The following ESRP1 variants were observed in gnomAD, a reference collection of about 807,000 sequenced individuals.
ESRP1 encodes the protein epithelial splicing regulatory protein 1.
A neutral mutation model predicts 81.7 loss-of-function variants in ESRP1; 33 were observed. That is an observed-to-expected ratio of 0.40 (90% CI 0.31 to 0.54). The LOEUF (loss-of-function observed/expected upper bound fraction) is 0.54. Ranked by LOEUF, ESRP1 falls within the 20% of genes least tolerant of loss-of-function variation. The pLI is 0.41. For synonymous variants in ESRP1, 320 were observed against 303.3 expected (o/e 1.06, Z -0.57); for missense variants, 672 against 833.1 (o/e 0.81, Z 2.38).
intron 6 of ESRP1, among the ~76,000 whole-genome samples, chr8:94,664,120 C>CTTTTTTT (rs755384250): frequency 2.1e-4 from 21 of 98,540 alleles, no homozygotes; most frequent in African/African-American, 7.7e-4. Flanking sequence ...ATTTCCTCAG[C>CTTTTTTT]TTTTTTTTTT....
intron 13 of ESRP1, among the ~76,000 whole-genome samples, chr8:94,685,022 TA>T (rs34287340): frequency 0.42 from 60,250 of 143,628 alleles, 12,161 homozygotes; most frequent in East Asian, 0.56. Context: ...AGCCTGTCTT[TA>T]AAAAAAAAAA....
intron 4 of ESRP1, chr8:94,649,438 A>G (rs1818004132): frequency 1.8e-5 from 1 of 56,530 alleles, no homozygotes; most frequent in South Asian, 1.0e-3. Flanking sequence ...AACTCAAGCA[A>G]TTCTGCCTCA....
In ESRP1 at chr8:94,668,054, T is replaced by A; in HGVS notation, c.1037T>A (p.Phe346Tyr). The change falls in exon 10 of 16, where the codon TTT becomes TAT. Residue 346 changes from phenylalanine (F) to tyrosine (Y), a missense_variant. Coordinates refer to ENST00000433389, the MANE Select transcript of ESRP1 (RefSeq NM_017697.4). ...TATAEEVVAF[F>Y]GQHCPITGGK... Reference sequence around the variant, plus strand: ...ACAGCTGAAGAAGTGGTGGCCTTCTTTGGACAGCATTGCCCTATTACTGGG... The same window carrying A: ...ACAGCTGAAGAAGTGGTGGCCTTCTATGGACAGCATTGCCCTATTACTGGG... The A allele has an allele frequency of 6.2e-7, 1 of 1,614,012 alleles. No individual in the cohort carries two copies. Among genetic ancestry groups the A allele is most frequent in the Non-Finnish European group, 8.5e-7 (1 of 1,179,894 alleles).
chr8:94,664,667 A>G (rs1738435447), intron 6 of ESRP1, 30 bp from the exon 7 acceptor site: 3 of 1,546,340 alleles, frequency 1.9e-6, no homozygotes, highest in Non-Finnish European at 2.7e-6. Context: ...AGCATTTATC[A>G]TGCAACCTGA....
intron 13 of ESRP1, among the ~76,000 whole-genome samples, chr8:94,692,396 G>A (rs1809438746): frequency 6.6e-6 from 1 of 152,054 alleles, no homozygotes. Context: ...CGGTGGAGTT[G>A]ACATGAGGCT....
chr8:94,664,163 G>GC (rs1818896702), intron 6 of ESRP1, among the ~76,000 whole-genome samples: 1 of 106,510 alleles, frequency 9.4e-6, no homozygotes, highest in Admixed American at 1.3e-4. Flanking sequence ...TTGCTCTATT[G>GC]CCCAGGCTGG....
At chr8:94,644,720 A>T (rs1817760262) in intron 3 of ESRP1, among the ~76,000 whole-genome samples, 1 of 152,194 alleles carries the variant, frequency 6.6e-6, no homozygotes, top group African/African-American at 2.4e-5. Flanking sequence ...AAAAATTAAG[A>T]CTTTTTCCTC....
In ESRP1 at chr8:94,668,148, T is replaced by C. The variant is rs200351320; in HGVS notation, c.1131T>C (p.Phe377=). 60 of 1,614,056 alleles carry C rather than the reference T, an allele frequency of 3.7e-5. No homozygotes were observed. In the African/African-American group the frequency reaches 7.2e-4, roughly 19 times the overall value. Reference sequence around the variant, plus strand: ...CAACAGGGGACGCTTTTGTCCTCTTTGCCTGTGAGGAATATGCACAGAATG... The same window carrying C: ...CAACAGGGGACGCTTTTGTCCTCTTCGCCTGTGAGGAATATGCACAGAATG... ...GRPTGDAFVL[F]ACEEYAQNAL... is the part of the protein sequence containing the mutation. Residue 377 remains phenylalanine (F), a synonymous_variant, in exon 10 of 16, where the codon TTT becomes TTC. Coordinates refer to ENST00000433389, the MANE Select transcript of ESRP1 (RefSeq NM_017697.4).
rs761205705 is a variant in ESRP1, at chr8:94,678,306, G to T, written c.1755G>T (p.Gln585His). ...PSVILNPRAL[Q>H]PSTAYYPAGT... ...TGATTTTGAATCCACGAGCACTGCAGCCCTCCACAGCGTACTACCCAGCAG... is the reference window on the plus strand; with the variant it reads ...TGATTTTGAATCCACGAGCACTGCATCCCTCCACAGCGTACTACCCAGCAG... The change falls in exon 13 of 16, where the codon CAG becomes CAT. Residue 585 changes from glutamine to histidine, a missense_variant. Transcript: ENST00000433389. The T allele has an allele frequency of 2.1e-5, 34 of 1,613,864 alleles. No homozygotes were observed. Among genetic ancestry groups the T allele is most frequent in the Non-Finnish European group, 2.8e-5 (33 of 1,179,900 alleles).
intron 4 of ESRP1, among the ~76,000 whole-genome samples, chr8:94,655,273 CTTTTAG>C (rs948974979): frequency 2.0e-5 from 3 of 151,288 alleles, no homozygotes. Context: ...TTGTATTTTA[CTTTTAG>C]TTTCACCATG....
intron 13 of ESRP1, among the ~76,000 whole-genome samples, chr8:94,684,710 T>A (rs1046913618): frequency 1.3e-5 from 2 of 152,232 alleles, no homozygotes; most frequent in African/African-American, 4.8e-5. Context: ...TTCCACTTAA[T>A]CAATTTCTCT....
chr8:94,676,603 G>T (rs1200307283), intron 12 of ESRP1, among the ~76,000 whole-genome samples: 1 of 151,800 alleles, frequency 6.6e-6, no homozygotes, highest in African/African-American at 2.4e-5. Context: ...AGGTTGAAGT[G>T]ATTCTCCTGC....
intron 9 of ESRP1, 140 bp downstream of exon 9, chr8:94,665,336 A>G: frequency 1.2e-6 from 1 of 846,368 alleles, no homozygotes; most frequent in Admixed American, 2.5e-5. Context: ...TTTCTTCCCC[A>G]GAGGTAGAAG....
chr8:94,699,053 C>T (rs2130733687), intron 15 of ESRP1, among the ~76,000 whole-genome samples: 1 of 152,196 alleles, frequency 6.6e-6, no homozygotes, highest in African/African-American at 2.4e-5. Context: ...TTTCTTTTCA[C>T]ATGTTCATTG....
intron 15 of ESRP1, among the ~76,000 whole-genome samples, chr8:94,698,353 T>G (rs1809687124): frequency 6.6e-6 from 1 of 152,220 alleles, no homozygotes; most frequent in African/African-American, 2.4e-5. Context: ...CAGACTGATT[T>G]GTCCTTCGGT....
chr8:94,673,826 G>A (rs1819454604), intron 11 of ESRP1, among the ~76,000 whole-genome samples: 1 of 152,106 alleles, frequency 6.6e-6, no homozygotes, highest in Admixed American at 6.6e-5. Flanking sequence ...AAGATTGAAA[G>A]GGATATGGCA....
At chr8:94,691,051 A>T (rs1281304449) in intron 13 of ESRP1, among the ~76,000 whole-genome samples, 1 of 152,198 alleles carries the variant, frequency 6.6e-6, no homozygotes, top group Non-Finnish European at 1.5e-5. Context: ...AAAAATGAAG[A>T]GGTATGACTG....
intron 1 of ESRP1, 46 bp downstream of exon 1, chr8:94,641,496 G>C: frequency 1.9e-6 from 3 of 1,612,800 alleles, no homozygotes; most frequent in Non-Finnish European, 2.5e-6. Context: ...GGGGCAAGAA[G>C]TTTGTGGTAG....
chr8:94,665,501 GT>G (rs908714331), intron 9 of ESRP1, among the ~76,000 whole-genome samples: 19 of 152,100 alleles, frequency 1.2e-4, no homozygotes, highest in Non-Finnish European at 2.5e-4. Context: ...TTTTTGTTTT[GT>G]TTTTTTGGAG....
Sources: allele counts gnomAD v4.1 joint callset (sites outside exome capture counted in the v4.1 genomes callset), GRCh38; gene constraint gnomAD v4.1.1; transcripts MANE v1.5; gene names NCBI Gene and HGNC (gene_info 2026-07-23, HGNC 2026-07-21).